The following PLCG2 variants were observed in gnomAD, a reference collection of about 807,000 sequenced individuals.
PLCG2 encodes 1-phosphatidylinositol 4,5-bisphosphate phosphodiesterase gamma-2.
A neutral mutation model predicts 175.6 loss-of-function variants in PLCG2; 69 were observed. That is an observed-to-expected ratio of 0.39 (90% CI 0.32 to 0.48). The LOEUF (loss-of-function observed/expected upper bound fraction) is 0.48, where lower values mean the gene tolerates loss of function less well. Among genes scored for constraint, PLCG2 ranks in the 20% least tolerant of loss-of-function variants. The pLI is 0.91. For synonymous variants in PLCG2, 827 were observed against 624.0 expected (o/e 1.33, Z -4.85); for missense variants, 1,798 against 1,650.9 (o/e 1.09, Z -1.54).
At chr16:81,910,767 C>T (rs1192553116) in intron 18 of PLCG2, 47 bp downstream of exon 18, 1 of 1,545,572 alleles carries the variant, frequency 6.5e-7, no homozygotes, top group Admixed American at 1.7e-5. Context: ...GTCGGGTTAG[C>T]TCCACCAGGC....
chr16:81,830,359 G>A (rs1248831621), intron 2 of PLCG2, among the ~76,000 whole-genome samples: 1 of 152,084 alleles, frequency 6.6e-6, no homozygotes, highest in Non-Finnish European at 1.5e-5. Flanking sequence ...AGGCTGGAGG[G>A]CAGTGGTGCT....
At chr16:81,805,172 A>G (rs1466713293) in intron 2 of PLCG2, among the ~76,000 whole-genome samples, 1 of 152,176 alleles carries the variant, frequency 6.6e-6, no homozygotes, top group Non-Finnish European at 1.5e-5. Flanking sequence ...GAGCTGATAA[A>G]GGACCCATAT....
intron 31 of PLCG2, among the ~76,000 whole-genome samples, chr16:81,946,798 A>G (rs1471107668): frequency 6.6e-6 from 1 of 152,178 alleles, no homozygotes; most frequent in Non-Finnish European, 1.5e-5. Context: ...ATACTCAGAT[A>G]TAGAATTAGT....
At chr16:81,896,930 C>G (rs1021425624) in intron 13 of PLCG2, among the ~76,000 whole-genome samples, 44 of 152,338 alleles carry the variant, frequency 2.9e-4, no homozygotes, top group African/African-American at 9.6e-4. Flanking sequence ...TAATCCTTTT[C>G]TGTCCCACCA....
intron 2 of PLCG2, among the ~76,000 whole-genome samples, chr16:81,764,963 C>G (rs1021970606): frequency 6.6e-6 from 1 of 152,016 alleles, no homozygotes; most frequent in African/African-American, 2.4e-5. Flanking sequence ...GTAGTGTGCA[C>G]CTGTGGTCCC....
chr16:81,912,368 A>G (rs576597669), intron 18 of PLCG2, among the ~76,000 whole-genome samples: 16 of 152,300 alleles, frequency 1.1e-4, no homozygotes, highest in African/African-American at 2.4e-4. Flanking sequence ...GCTCGGCCCA[A>G]TGTATTATTT....
At chr16:81,776,171 C>G (rs1910401741), upstream of PLCG2, among the ~76,000 whole-genome samples, 1 of 146,642 alleles carries the variant, frequency 6.8e-6, no homozygotes, top group African/African-American at 2.5e-5. Flanking sequence ...TGCAGTGGTA[C>G]AATCTCGGCT....
At chr16:81,931,381 C>CG in intron 24 of PLCG2, 116 bp from the exon 25 acceptor site, 2 of 913,572 alleles carry the variant, frequency 2.2e-6, no homozygotes, top group Non-Finnish European at 3.4e-6. Context: ...CAGTGCTAAC[C>CG]GTGGTCATAG....
chr16:81,927,297 G>A (rs1293068298), intron 23 of PLCG2, 119 bp downstream of exon 23: 5 of 710,098 alleles, frequency 7.0e-6, no homozygotes, highest in Non-Finnish European at 1.3e-5. Context: ...TCTCTGTGGA[G>A]CTCTGGATCA....
In PLCG2 at chr16:81,927,063, G is replaced by A. The variant is rs1481147600; in HGVS notation, c.2418-19G>A. 3.9e-6 allele frequency: 6 copies of A among 1,558,220 alleles called. No homozygotes were observed. The Admixed American group carries it at 8.3e-5, about 22-fold the overall frequency. ...TGCCACCTGGTGACAGCGCCCCCAT[G>A]TCCTCTCTTCTTATCCAGGTGGAAA... On this transcript the variant is annotated intron_variant, in intron 22 of 32. Coordinates refer to ENST00000564138, the MANE Select transcript of PLCG2 (RefSeq NM_002661.5).
intron 2 of PLCG2, among the ~76,000 whole-genome samples, chr16:81,847,849 T>C (rs1446843387): frequency 6.6e-6 from 1 of 152,232 alleles, no homozygotes; most frequent in African/African-American, 2.4e-5. Flanking sequence ...CTGCCATTTT[T>C]TATCAGAGGC....
rs750877065 is a variant in PLCG2 at position 81,891,514 on chromosome 16, G to A, written c.910G>A (p.Glu304Lys). 5 of 1,612,174 alleles carry A rather than the reference G, an allele frequency of 3.1e-6. No individual in the cohort carries two copies. Among genetic ancestry groups the A allele is most frequent in the Non-Finnish European group, 4.2e-6 (5 of 1,178,172 alleles). Residue 304 changes from glutamate (E) to lysine (K), a missense_variant, in exon 11 of 33, where the codon GAG becomes AAG. Transcript: ENST00000564138. ...LFSRENSIWD[E>K]KYDAVDMQDM... The stretch of plus-strand genomic sequence containing the variant: ...TTCACGAGAAAACAGCATCTGGGAT[G>A]AGAAGTATGACGCGGTGGACATGCA...
intron 2 of PLCG2, among the ~76,000 whole-genome samples, chr16:81,789,456 A>T (rs950299846): frequency 6.6e-6 from 1 of 152,004 alleles, no homozygotes; most frequent in Admixed American, 6.6e-5. Context: ...TGCCTGGCTG[A>T]TTTTTTAACT....
At position 81,919,502 on chromosome 16, in the gene PLCG2, G is replaced by C; in HGVS notation, c.2073G>C (p.Lys691Asn). 4 of 1,614,048 alleles carry C rather than the reference G, an allele frequency of 2.5e-6. No individual in the cohort carries two copies. The highest frequency in any genetic ancestry group is 3.4e-6 in the Non-Finnish European group (4 of 1,179,990). The change falls in exon 20 of 33, where the codon AAG becomes AAC. Residue 691 changes from lysine (K) to asparagine (N), a missense_variant. Physicochemically the swap from Lys to Asn is moderately conservative, Grantham distance 94. Transcript: ENST00000564138. Reference sequence around the variant, plus strand: ...GCTCCAGGGCTAGGGGCAAGGTAAAGCATTGTCGCATCAACCGGGACGGCC... The same window carrying C: ...GCTCCAGGGCTAGGGGCAAGGTAAACCATTGTCGCATCAACCGGGACGGCC... ...AITFRARGKV[K>N]HCRINRDGRH...
intron 5 of PLCG2, among the ~76,000 whole-genome samples, chr16:81,868,578 A>C (rs1907360374): frequency 6.6e-6 from 1 of 152,182 alleles, no homozygotes; most frequent in Non-Finnish European, 1.5e-5. Flanking sequence ...TAATTAGGTG[A>C]CAAAGCATTT....
chr16:81,904,194 C>T (rs983913274), intron 14 of PLCG2, among the ~76,000 whole-genome samples: 1 of 152,216 alleles, frequency 6.6e-6, no homozygotes, highest in African/African-American at 2.4e-5. Flanking sequence ...TGAGGTCCTG[C>T]TTCACTGTTG....
intron 4 of PLCG2, 139 bp downstream of exon 4, chr16:81,858,495 T>A: frequency 1.5e-6 from 1 of 676,030 alleles, no homozygotes; most frequent in Non-Finnish European, 2.7e-6. Flanking sequence ...TTGTATGCAA[T>A]GGGTGCCTAG....
At chr16:81,940,428 G>C (rs940507941) in intron 30 of PLCG2, among the ~76,000 whole-genome samples, 2 of 151,942 alleles carry the variant, frequency 1.3e-5, no homozygotes, top group Non-Finnish European at 2.9e-5. Context: ...CAGTGTGAGA[G>C]GGTGGCAAGG....
intron 1 of PLCG2, among the ~76,000 whole-genome samples, chr16:81,781,109 G>A (rs1485709539): frequency 6.6e-6 from 1 of 152,088 alleles, no homozygotes; most frequent in Non-Finnish European, 1.5e-5. Flanking sequence ...AAATTTGCCC[G>A]TTACATCATC....
Sources: gnomAD v4.1 joint callset for allele counts (sites outside exome capture counted in the v4.1 genomes callset) on GRCh38, gnomAD v4.1.1 for gene constraint, MANE v1.5 for transcripts, NCBI Gene and HGNC (gene_info 2026-07-23, HGNC 2026-07-21) for gene names.